Variants in LAMA2 observed in about 807,000 individuals in gnomAD.
LAMA2 encodes laminin subunit alpha 2.
In LAMA2, 269 loss-of-function variants were observed where a neutral mutation model predicts 364.8. The observed-to-expected ratio is 0.74, with a 90% confidence interval of 0.67 to 0.82. The LOEUF (loss-of-function observed/expected upper bound fraction) is 0.82. Ranked by LOEUF, LAMA2 falls within the 40% of genes least tolerant of loss-of-function variation. The pLI, the probability that LAMA2 is intolerant of heterozygous loss-of-function variation, is 0.00. For missense variants in LAMA2, 3,807 were observed against 3,873.2 expected (o/e 0.98, Z 0.45); for synonymous variants, 1,379 against 1,370.6 (o/e 1.01, Z -0.14).
intron 1 of LAMA2, among the ~76,000 whole-genome samples, chr6:129,026,982 G>C (rs933138666): frequency 7.2e-5 from 11 of 151,962 alleles, no homozygotes; most frequent in African/African-American, 2.4e-4. Flanking sequence ...AAATGTTCCA[G>C]GTAGTTTCAA....
At chr6:129,468,803 G>A (rs903589652) in intron 51 of LAMA2, among the ~76,000 whole-genome samples, 1 of 151,910 alleles carries the variant, frequency 6.6e-6, no homozygotes, top group African/African-American at 2.4e-5. Context: ...CTGCATCAGT[G>A]AAGATGCATA....
At chr6:129,256,469 G>A (rs1441024817) in intron 14 of LAMA2, among the ~76,000 whole-genome samples, 1 of 151,916 alleles carries the variant, frequency 6.6e-6, no homozygotes, top group Non-Finnish European at 1.5e-5. Context: ...TTCAAAGAAG[G>A]CATTGTACAG....
intron 40 of LAMA2, among the ~76,000 whole-genome samples, chr6:129,417,879 G>A (rs1315104427): frequency 6.6e-6 from 1 of 152,208 alleles, no homozygotes; most frequent in Non-Finnish European, 1.5e-5. Context: ...GCCGGGAACA[G>A]TGAGAGACCA....
intron 1 of LAMA2, among the ~76,000 whole-genome samples, chr6:128,983,080 C>T (rs1231706742): frequency 4.0e-5 from 6 of 151,738 alleles, no homozygotes; most frequent in Admixed American, 3.3e-4. Context: ...CATACGTGTG[C>T]ATGTGTCTTT....
At chr6:129,284,722 T>C (rs1788972831) in intron 18 of LAMA2, among the ~76,000 whole-genome samples, 1 of 152,108 alleles carries the variant, frequency 6.6e-6, no homozygotes, top group Non-Finnish European at 1.5e-5. Context: ...TTGTTGCTTG[T>C]CTGCACGTCC....
At chr6:129,325,798 T>G (rs1191050765) in intron 28 of LAMA2, among the ~76,000 whole-genome samples, 1 of 152,144 alleles carries the variant, frequency 6.6e-6, no homozygotes, top group Non-Finnish European at 1.5e-5. Context: ...GCTTCCCTAT[T>G]CATTCCTTTT....
chr6:129,147,105 C>A, intron 6 of LAMA2, 57 bp downstream of exon 6: 1 of 1,096,344 alleles, frequency 9.1e-7, no homozygotes, highest in South Asian at 1.2e-5. Context: ...TAAAATGTTT[C>A]ATGACAGTCT....
chr6:129,250,512 A>G (rs911517314), intron 13 of LAMA2, among the ~76,000 whole-genome samples: 4 of 152,146 alleles, frequency 2.6e-5, no homozygotes, highest in Non-Finnish European at 5.9e-5. Flanking sequence ...GGTACATGCT[A>G]ATTTACATGG....
intron 9 of LAMA2, among the ~76,000 whole-genome samples, chr6:129,172,494 A>G (rs1260086180): frequency 1.3e-5 from 2 of 152,232 alleles, no homozygotes; most frequent in Non-Finnish European, 2.9e-5. Flanking sequence ...CTCAGGGGTC[A>G]GGGGTCAGGG....
chr6:129,186,927 A>C (rs1186565924), intron 10 of LAMA2, among the ~76,000 whole-genome samples: 2 of 151,810 alleles, frequency 1.3e-5, no homozygotes. Flanking sequence ...GATATCTCAT[A>C]TGTCTTGTAT....
At chr6:129,362,132 C>T (rs992626625) in intron 32 of LAMA2, among the ~76,000 whole-genome samples, 2 of 152,150 alleles carry the variant, frequency 1.3e-5, no homozygotes, top group Non-Finnish European at 2.9e-5. Context: ...TCGCTTTGAT[C>T]TGTCAGTCAT....
chr6:128,994,341 A>C (rs889576684), intron 1 of LAMA2, among the ~76,000 whole-genome samples: 1 of 152,202 alleles, frequency 6.6e-6, no homozygotes, highest in Non-Finnish European at 1.5e-5. Flanking sequence ...ACCAGTCCTG[A>C]AGAAATAGGG....
intron 30 of LAMA2, among the ~76,000 whole-genome samples, chr6:129,347,696 C>G (rs1776630165): frequency 6.6e-6 from 1 of 151,784 alleles, no homozygotes; most frequent in Non-Finnish European, 1.5e-5. Flanking sequence ...TCTGAGTAGC[C>G]CTGCAGACAA....
intron 41 of LAMA2, among the ~76,000 whole-genome samples, chr6:129,430,860 TTAA>T (rs1026963159): frequency 4.0e-5 from 6 of 151,880 alleles, no homozygotes; most frequent in African/African-American, 1.5e-4. Flanking sequence ...AATTAATTAA[TTAA>T]TAATAAAAAT....
chr6:129,124,894 G>C (rs1410932582), intron 4 of LAMA2, among the ~76,000 whole-genome samples: 1 of 152,158 alleles, frequency 6.6e-6, no homozygotes, highest in African/African-American at 2.4e-5. Context: ...CTCTAGCTGT[G>C]TTGGATTGAT....
At chr6:129,264,244 G>A (rs531957466) in intron 15 of LAMA2, among the ~76,000 whole-genome samples, 1 of 152,106 alleles carries the variant, frequency 6.6e-6, no homozygotes, top group Admixed American at 6.6e-5. Context: ...AGAACAAATA[G>A]GACTTACTGA....
intron 36 of LAMA2, among the ~76,000 whole-genome samples, chr6:129,392,119 G>A (rs1237099118): frequency 1.3e-5 from 2 of 152,140 alleles, no homozygotes; most frequent in African/African-American, 4.8e-5. Context: ...ATGCTGAAAA[G>A]AAAAGTCATC....
At chr6:129,047,956 T>G (rs1453312339) in intron 1 of LAMA2, among the ~76,000 whole-genome samples, 1 of 152,194 alleles carries the variant, frequency 6.6e-6, no homozygotes, top group Admixed American at 6.5e-5. Flanking sequence ...ATTAAGAGGA[T>G]AGACTCTGGA....
intron 58 of LAMA2, among the ~76,000 whole-genome samples, chr6:129,501,166 A>G (rs550680336): frequency 2.6e-5 from 4 of 152,294 alleles, no homozygotes; most frequent in African/African-American, 7.2e-5. Context: ...AAAGATCCCA[A>G]TTCTATTAAT....
Sources: gnomAD v4.1 joint callset for allele counts (sites outside exome capture counted in the v4.1 genomes callset) on GRCh38, gnomAD v4.1.1 for gene constraint, MANE v1.5 for transcripts, NCBI Gene and HGNC (gene_info 2026-07-23, HGNC 2026-07-21) for gene names.